CD276: variants seen among roughly 807,000 people sequenced by gnomAD.
CD276 encodes the protein CD276 antigen.
In CD276, 34 loss-of-function variants were observed where a neutral mutation model predicts 50.0. That is an observed-to-expected ratio of 0.68 (90% confidence interval 0.52 to 0.91). The LOEUF (loss-of-function observed/expected upper bound fraction) is 0.91. Among genes scored for constraint, CD276 ranks in the 40% least tolerant of loss-of-function variants. The pLI is 0.00. For missense variants in CD276, 634 were observed against 717.5 expected (o/e 0.88, Z 1.33); for synonymous variants, 275 against 313.0 (o/e 0.88, Z 1.28).
At chr15:73,691,828 G>C (rs1399650711) in intron 1 of CD276, among the ~76,000 whole-genome samples, 1 of 152,224 alleles carries the variant, frequency 6.6e-6, no homozygotes, top group African/African-American at 2.4e-5. Context: ...AGAAGGAATT[G>C]AAGTTTAGGC....
rs184676489 is a variant in CD276, at chr15:73,712,380, G to A, written c.1583-554G>A. ...CCAAGAATGGGTGAGGGAGAGGGCA[G>A]GGGAAGGGCCCAAGCCCTTCTTCCC... On this transcript the variant is annotated intron_variant, in intron 9 of 9. Coordinates refer to ENST00000318443, the MANE Select transcript of CD276 (RefSeq NM_001024736.2). 2.6e-5 allele frequency among the ~76,000 whole-genome samples: 4 copies of A among 152,350 alleles called. No individual in the cohort carries two copies. In the East Asian group the frequency reaches 7.7e-4, roughly 29 times the overall value.
chr15:73,706,722 C>T (rs755682433), intron 6 of CD276, among the ~76,000 whole-genome samples: 2 of 152,226 alleles, frequency 1.3e-5, no homozygotes, highest in Non-Finnish European at 2.9e-5. Context: ...CTCTCCCGTA[C>T]CTGATGAAGT....
At chr15:73,708,506 GCA>G (rs1378577176) in intron 7 of CD276, 33 bp downstream of exon 7, 4 of 1,595,496 alleles carry the variant, frequency 2.5e-6, no homozygotes, top group South Asian at 2.3e-5. Flanking sequence ...GCGTGCGCAT[GCA>G]CACTTATGTG....
Position 73,711,142 on chromosome 15 carries a change from G to A in CD276, c.1554G>A (p.Gln518=). Residue 518 remains glutamine, a synonymous_variant, in exon 9 of 10, where the codon CAG becomes CAA. Coordinates refer to ENST00000318443, the MANE Select transcript of CD276 (RefSeq NM_001024736.2). ...GCCTTCCTTTTTTTACAGCCCTGCAGCCTCTGAAACACTCTGACAGCAAAG... is the reference window on the plus strand; with the variant it reads ...GCCTTCCTTTTTTTACAGCCCTGCAACCTCTGAAACACTCTGACAGCAAAG... ...GEGEGSKTAL[Q]PLKHSDSKED... is the part of the protein sequence containing the mutation. 1 of 1,614,008 alleles carries A rather than the reference G, an allele frequency of 6.2e-7. No homozygotes were observed. The highest frequency in any genetic ancestry group is 1.1e-5 in the South Asian group (1 of 91,090).
At chr15:73,686,402 AC>A (rs1375648616) in intron 1 of CD276, 7 of 512,752 alleles carry the variant, frequency 1.4e-5, no homozygotes, top group Non-Finnish European at 1.8e-5. Context: ...CTGTCCAGGC[AC>A]CACCCGATGG....
rs921939405 is a variant in CD276 at position 73,687,966 on chromosome 15, C to T, written c.-55+3506C>T. On this transcript the variant is annotated intron_variant, in intron 1 of 9. Coordinates refer to ENST00000318443, the MANE Select transcript of CD276 (RefSeq NM_001024736.2). This position sits in a 1 kb window ranked among gnomAD's most constrained non-coding sequence, Gnocchi z 4.0. ...TGGAATGTGTCCCTGTGGGAATGCT[C>T]TGTGCTAGGGGCTATGGCAGCAGGA... Among the ~76,000 whole-genome samples the T allele has an allele frequency of 1.3e-5, 2 of 152,094 alleles. No individual in the cohort carries two copies. Among genetic ancestry groups the T allele is most frequent in the Non-Finnish European group, 2.9e-5 (2 of 68,022 alleles).
In CD276 at chr15:73,703,803, T is replaced by G. The variant is rs746321527; in HGVS notation, c.878T>G (p.Leu293Arg). The G allele has an allele frequency of 1.7e-5, 28 of 1,613,562 alleles. No homozygotes were observed. Among genetic ancestry groups the G allele is most frequent in the Admixed American group, 6.7e-5 (4 of 60,006 alleles). Residue 293 changes from leucine to arginine, a missense_variant, in exon 5 of 10, where the codon CTG becomes CGG. Coordinates refer to ENST00000318443, the MANE Select transcript of CD276 (RefSeq NM_001024736.2). Reference sequence around the variant, plus strand: ...TGGCAGCTGACAGACACCAAACAGCTGGTGCACAGTTTCACCGAAGGCCGG... The same window carrying G: ...TGGCAGCTGACAGACACCAAACAGCGGGTGCACAGTTTCACCGAAGGCCGG... ...LIWQLTDTKQ[L>R]VHSFTEGRDQ...
intron 1 of CD276, among the ~76,000 whole-genome samples, chr15:73,691,345 C>T (rs1899981608): frequency 1.3e-5 from 2 of 152,150 alleles, no homozygotes; most frequent in African/African-American, 2.4e-5. Flanking sequence ...TCCATCTCTG[C>T]CTCTGTTCAT....
At chr15:73,688,277 C>T (rs1899844430) in intron 1 of CD276, among the ~76,000 whole-genome samples, 1 of 151,970 alleles carries the variant, frequency 6.6e-6, no homozygotes, top group Non-Finnish European at 1.5e-5. Context: ...GCCTTGTCCC[C>T]ATGCTTGCGG....
chr15:73,709,768 G>A, intron 8 of CD276, 79 bp downstream of exon 8: 1 of 1,414,258 alleles, frequency 7.1e-7, no homozygotes, highest in Non-Finnish European at 9.8e-7. Context: ...AGGATCTGGA[G>A]GGGCCAGATT....
intron 7 of CD276, 137 bp from the exon 8 acceptor site, chr15:73,709,511 G>C: frequency 2.5e-6 from 2 of 801,246 alleles, no homozygotes; most frequent in Non-Finnish European, 4.3e-6. Flanking sequence ...GCTCTAACCC[G>C]TGTCTAGCAT....
At chr15:73,705,171 G>T (rs758196777) in intron 6 of CD276, among the ~76,000 whole-genome samples, 1 of 152,200 alleles carries the variant, frequency 6.6e-6, no homozygotes, top group African/African-American at 2.4e-5. Flanking sequence ...TTCCTGGGCC[G>T]ACGTGCTCAG....
At chr15:73,712,749 C>T (rs533167326) in intron 9 of CD276, among the ~76,000 whole-genome samples, 185 bp from the exon 10 acceptor site, 18 of 152,314 alleles carry the variant, frequency 1.2e-4, no homozygotes, top group Non-Finnish European at 2.5e-4. Context: ...CTGGCACCTG[C>T]ATCTGTGTCT....
intron 7 of CD276, 95 bp downstream of exon 7, chr15:73,708,568 T>C: frequency 7.1e-7 from 1 of 1,417,642 alleles, no homozygotes; most frequent in Non-Finnish European, 9.5e-7. Context: ...CACTTTCTAG[T>C]GACAGAACGA....
At position 73,713,656 on chromosome 15, in the gene CD276, A is replaced by G. The variant is rs1382445161; in HGVS notation, c.*700A>G. On this transcript the variant is annotated 3_prime_UTR_variant, in exon 10 of 10. Transcript: ENST00000318443. ...GGAGACCTGCAGGTGCACGTGCTGG[A>G]ACACGTGTGGTTCCCCCCTGGCCCA... The G allele has an allele frequency of 1.8e-5, 7 of 391,750 alleles. No individual in the cohort carries two copies. In the East Asian group the frequency reaches 7.2e-4, roughly 41 times the overall value. The allele number at this position is 391,750 out of a possible 1,614,324, so 24.3% of individuals were successfully genotyped here.
rs1900584451 is a variant in CD276, at chr15:73,704,839, G to C, written c.1369+367G>C. On this transcript the variant is annotated intron_variant, in intron 6 of 9. Coordinates refer to ENST00000318443, the MANE Select transcript of CD276 (RefSeq NM_001024736.2). This position sits in a 1 kb window ranked among gnomAD's most constrained non-coding sequence, Gnocchi z 4.1. ...CCTCTGAGTGGTAGGAAGGTATTCT[G>C]GGTCAGTGGGCGCCATCTGATTCTG... Among the ~76,000 whole-genome samples, 4 of 152,182 alleles carry C rather than the reference G, an allele frequency of 2.6e-5. No homozygotes were observed. The highest frequency in any genetic ancestry group is 2.6e-4 in the Admixed American group (4 of 15,276).
chr15:73,705,775 GAGA>G (rs1469396220), intron 6 of CD276, among the ~76,000 whole-genome samples: 1 of 152,166 alleles, frequency 6.6e-6, no homozygotes, highest in Non-Finnish European at 1.5e-5. Flanking sequence ...AATGGGAGCT[GAGA>G]AGGCCTTGAA....
chr15:73,704,157 T>C lies in CD276; in HGVS notation c.1073-19T>C. The C allele has an allele frequency of 1.2e-6, 2 of 1,605,338 alleles. No homozygotes were observed. Among genetic ancestry groups the C allele is most frequent in the Non-Finnish European group, 8.5e-7 (1 of 1,175,316 alleles). On this transcript the variant is annotated intron_variant, in intron 5 of 9. Coordinates refer to ENST00000318443, the MANE Select transcript of CD276 (RefSeq NM_001024736.2). This position sits in a 1 kb window ranked among gnomAD's most constrained non-coding sequence, Gnocchi z 4.1. Reference sequence around the variant, plus strand: ...CTGCCATTGCCCTGCCCTTGACCCCTGCCCTCTGTCACCTCCAGCTCCCTA... The same window carrying C: ...CTGCCATTGCCCTGCCCTTGACCCCCGCCCTCTGTCACCTCCAGCTCCCTA...
rs762710970 is a variant in CD276, at chr15:73,704,401, A to T, written c.1298A>T (p.Asn433Ile). ...HSVLRVVLGA[N>I]GTYSCLVRNP... ...GTCCTGCGGGTGGTGCTGGGTGCGAATGGCACCTACAGCTGCCTGGTGCGC... is the reference window on the plus strand; with the variant it reads ...GTCCTGCGGGTGGTGCTGGGTGCGATTGGCACCTACAGCTGCCTGGTGCGC... Residue 433 changes from asparagine (N) to isoleucine (I), a missense_variant, in exon 6 of 10, where the codon AAT (asparagine) becomes ATT (isoleucine). Transcript: ENST00000318443. This position sits in a 1 kb window ranked among gnomAD's most constrained non-coding sequence, Gnocchi z 4.1. 9.9e-6 allele frequency: 16 copies of T among 1,613,978 alleles called. No homozygotes were observed. The African/African-American group carries it at 2.0e-4, about 20-fold the overall frequency.
Sources: gnomAD v4.1 joint callset for allele counts (sites outside exome capture counted in the v4.1 genomes callset) on GRCh38, gnomAD v4.1.1 for gene constraint, Gnocchi (gnomAD v3.1) non-coding constraint, MANE v1.5 for transcripts, NCBI Gene and HGNC (gene_info 2026-07-23, HGNC 2026-07-21) for gene names.